The following PSMG2 variants were observed in gnomAD, a reference collection of about 807,000 sequenced individuals.
PSMG2 encodes the protein CD40 ligand-activated specific transcript 3.
PSMG2 carries 21 observed loss-of-function variants against 31.5 expected under a neutral mutation model. That is an observed-to-expected ratio of 0.67 (90% CI 0.47 to 0.96). The LOEUF (loss-of-function observed/expected upper bound fraction) is 0.96, where lower values mean the gene tolerates loss of function less well. PSMG2 is among the 40% of genes least tolerant of loss of function. The probability of loss-of-function intolerance (pLI) is 0.00; values close to 1 mark genes in which losing one functional copy is unlikely to be tolerated. For synonymous variants in PSMG2, 120 were observed against 110.4 expected (o/e 1.09, Z -0.54); for missense variants, 318 against 321.2 (o/e 0.99, Z 0.08).
upstream of PSMG2, chr18:12,701,249 A>G (rs1307919109): frequency 1.6e-6 from 1 of 630,420 alleles, no homozygotes. Context: ...GTAAGCTTTT[A>G]AAGAATGAAT....
At chr18:12,710,752 T>G (rs921222764) in intron 2 of PSMG2, among the ~76,000 whole-genome samples, 9 of 152,136 alleles carry the variant, frequency 5.9e-5, no homozygotes, top group Admixed American at 5.9e-4. Context: ...GTTGCTTTCG[T>G]AATGTATCAC....
At chr18:12,708,106 A>AC (rs1332556756) in intron 2 of PSMG2, among the ~76,000 whole-genome samples, 1 of 151,978 alleles carries the variant, frequency 6.6e-6, no homozygotes, top group Admixed American at 6.6e-5. Flanking sequence ...ACAAAATGAG[A>AC]CCCCATCTTT....
At chr18:12,703,505 C>T (rs911400006) in intron 1 of PSMG2, among the ~76,000 whole-genome samples, 4 of 152,200 alleles carry the variant, frequency 2.6e-5, no homozygotes, top group African/African-American at 9.7e-5. Flanking sequence ...TAGAATTAGT[C>T]TTAAGCTAGC....
intron 5 of PSMG2, among the ~76,000 whole-genome samples, chr18:12,722,254 T>C (rs1394937640): frequency 6.6e-6 from 1 of 152,196 alleles, no homozygotes; most frequent in Non-Finnish European, 1.5e-5. Flanking sequence ...ACAACTGTTT[T>C]CCAGACATTG....
chr18:12,671,189 T>A (rs1488576383), intron 1 of PSMG2: 4 of 152,182 alleles, frequency 2.6e-5, no homozygotes, highest in Non-Finnish European at 5.9e-5. Context: ...GGCCATCCTC[T>A]GGCCGCAGCC....
intron 1 of PSMG2, 67 bp from the exon 2 acceptor site, chr18:12,706,483 T>G: frequency 6.5e-7 from 1 of 1,544,746 alleles, no homozygotes; most frequent in Non-Finnish European, 8.9e-7. Context: ...GCAGACTCTG[T>G]TTCAAAAAAT....
At chr18:12,697,367 T>C (rs1055160676) in intron 1 of PSMG2, 5 of 1,612,866 alleles carry the variant, frequency 3.1e-6, no homozygotes, top group East Asian at 2.2e-5. Context: ...GGATCACTTA[T>C]TGATAACATT....
chr18:12,678,288 A>G (rs762889371), intron 1 of PSMG2: 1 of 1,614,158 alleles, frequency 6.2e-7, no homozygotes, highest in Admixed American at 1.7e-5. Flanking sequence ...TCATCGTTCA[A>G]ATCAAATACA....
chr18:12,666,919 A>T (rs2038815977), intron 1 of PSMG2, among the ~76,000 whole-genome samples: 1 of 152,132 alleles, frequency 6.6e-6, no homozygotes, highest in Admixed American at 6.6e-5. Flanking sequence ...AAAAAAAGTA[A>T]ATCTTATTCA....
At chr18:12,702,296 C>A (rs1372197195), upstream of PSMG2, 6 of 552,278 alleles carry the variant, frequency 1.1e-5, no homozygotes, top group Non-Finnish European at 1.9e-5. Flanking sequence ...CTGCTCGGCT[C>A]GTTTTCTTTC....
rs1011053643 is a variant in PSMG2 at position 12,686,141 on chromosome 18, C to A, written c.-36-20409C>A. The A allele has an allele frequency of 7.1e-5, 46 of 644,536 alleles. 1 individual carries two copies. Among genetic ancestry groups the A allele is most frequent in the Non-Finnish European group, 1.0e-4 (43 of 409,958 alleles). The allele number at this position is 644,536 out of a possible 1,614,324, so 39.9% of individuals were successfully genotyped here. A position where few individuals can be genotyped will look rare whatever the true frequency, so the allele number is the denominator to read the frequency against. ...GTTGGTTGAATCTACAGATACAGAA[C>A]CTGTGGGTACAGAGGGTTGACTATA... On this transcript the variant is annotated intron_variant, in intron 1 of 6. Transcript: ENST00000585331.
At chr18:12,707,129 G>C (rs1295034970) in intron 2 of PSMG2, among the ~76,000 whole-genome samples, 3 of 151,974 alleles carry the variant, frequency 2.0e-5, no homozygotes, top group Non-Finnish European at 4.4e-5. Context: ...CTAATTTTTT[G>C]TATTTTTTTA....
At chr18:12,708,130 GA>G (rs2040287903) in intron 2 of PSMG2, among the ~76,000 whole-genome samples, 1 of 151,882 alleles carries the variant, frequency 6.6e-6, no homozygotes, top group East Asian at 1.9e-4. Flanking sequence ...AAAAGAAAAA[GA>G]AAAAAATTAG....
At chr18:12,709,238 G>T (rs2040303600) in intron 2 of PSMG2, among the ~76,000 whole-genome samples, 1 of 151,082 alleles carries the variant, frequency 6.6e-6, no homozygotes, top group Non-Finnish European at 1.5e-5. Flanking sequence ...GTAGAGACGG[G>T]GTTGCACCAT....
At chr18:12,671,131 A>T (rs35495829) in intron 1 of PSMG2, 19 of 149,930 alleles carry the variant, frequency 1.3e-4, no homozygotes, top group Admixed American at 3.3e-4. Flanking sequence ...TTAGAGAAAT[A>T]GGGGGGGGTC....
chr18:12,696,257 C>T (rs1290749676), intron 1 of PSMG2, among the ~76,000 whole-genome samples: 1 of 152,124 alleles, frequency 6.6e-6, no homozygotes, highest in Non-Finnish European at 1.5e-5. Flanking sequence ...AATATCCCAG[C>T]ACTTTGGGAG....
intron 1 of PSMG2, among the ~76,000 whole-genome samples, chr18:12,677,320 C>T (rs534832121): frequency 6.6e-6 from 1 of 152,032 alleles, no homozygotes; most frequent in South Asian, 2.1e-4. Context: ...TGTCTATAAT[C>T]CCAGTTATTC....
intron 2 of PSMG2, among the ~76,000 whole-genome samples, chr18:12,708,147 C>G (rs1383493610): frequency 6.6e-6 from 1 of 152,028 alleles, no homozygotes; most frequent in African/African-American, 2.4e-5. Flanking sequence ...ATTAGCCAAC[C>G]TGTAGTCCCA....
At chr18:12,725,401 A>G (rs781107151) in intron 6 of PSMG2, 38 bp from the exon 7 acceptor site, 2 of 1,456,244 alleles carry the variant, frequency 1.4e-6, no homozygotes, top group Admixed American at 3.9e-5. Context: ...TTTGATGGTA[A>G]AGTTTAAAGA....
Sources: gnomAD v4.1 joint callset for allele counts (sites outside exome capture counted in the v4.1 genomes callset) on GRCh38, gnomAD v4.1.1 for gene constraint, MANE v1.5 for transcripts, NCBI Gene and HGNC (gene_info 2026-07-23, HGNC 2026-07-21) for gene names.